POLR2B: variants seen among roughly 807,000 people sequenced by gnomAD.
POLR2B encodes RNA polymerase II subunit B.
A neutral mutation model predicts 144.6 loss-of-function variants in POLR2B; 57 were observed. The ratio of observed to expected loss-of-function variants is 0.39; its 90% CI spans 0.32 to 0.49. The LOEUF (loss-of-function observed/expected upper bound fraction) is 0.49, where lower values mean the gene tolerates loss of function less well. Ranked by LOEUF, POLR2B falls within the 20% of genes least tolerant of loss-of-function variation. POLR2B has a pLI of 0.83. For synonymous variants in POLR2B, 442 were observed against 469.8 expected (o/e 0.94, Z 0.77); for missense variants, 595 against 1,467.4 (o/e 0.41, Z 9.71).
At chr4:56,989,063 G>C (rs543076994) in intron 2 of POLR2B, among the ~76,000 whole-genome samples, 4 of 152,212 alleles carry the variant, frequency 2.6e-5, no homozygotes, top group South Asian at 4.1e-4. Context: ...AAGTGATCTT[G>C]TGAATGTGAT....
intron 1 of POLR2B, among the ~76,000 whole-genome samples, chr4:56,983,289 A>G (rs1384606625): frequency 6.7e-6 from 1 of 150,178 alleles, no homozygotes; most frequent in Non-Finnish European, 1.5e-5. Flanking sequence ...TCTATTTGGT[A>G]GGATTCTTTC....
chr4:56,986,179 T>C, intron 1 of POLR2B, 175 bp from the exon 2 acceptor site: 1 of 659,624 alleles, frequency 1.5e-6, no homozygotes, highest in Non-Finnish European at 2.7e-6. Context: ...AGAATACCTG[T>C]GTGACATAGA....
At chr4:57,027,662 A>AG (rs1425752092) in intron 23 of POLR2B, among the ~76,000 whole-genome samples, 1 of 152,208 alleles carries the variant, frequency 6.6e-6, no homozygotes, top group Non-Finnish European at 1.5e-5. Context: ...AGTTTCTCAA[A>AG]GGTTGGTTTT....
intron 11 of POLR2B, 96 bp downstream of exon 11, chr4:57,010,600 G>C: frequency 7.2e-7 from 1 of 1,385,280 alleles, no homozygotes; most frequent in South Asian, 1.4e-5. Context: ...AAATTATGCA[G>C]AGTGGTTTAG....
At chr4:56,980,721 CCTT>C (rs1722131807) in intron 1 of POLR2B, among the ~76,000 whole-genome samples, 1 of 152,188 alleles carries the variant, frequency 6.6e-6, no homozygotes, top group East Asian at 1.9e-4. Context: ...TGTCACGTCT[CCTT>C]CTTACCCACC....
chr4:56,992,321 C>T (rs1221604798), intron 3 of POLR2B, among the ~76,000 whole-genome samples: 3 of 150,946 alleles, frequency 2.0e-5, no homozygotes, highest in Middle Eastern at 3.4e-3. Flanking sequence ...AAAAATTAGC[C>T]GGGTGTGGTG....
At chr4:57,024,225 A>T in intron 21 of POLR2B, 113 bp downstream of exon 21, 1 of 564,092 alleles carries the variant, frequency 1.8e-6, no homozygotes, top group Non-Finnish European at 3.0e-6. Flanking sequence ...CTAGTGTGAG[A>T]CTTACTTTTC....
intron 1 of POLR2B, among the ~76,000 whole-genome samples, chr4:56,983,896 G>A (rs1246413234): frequency 7.4e-5 from 11 of 147,666 alleles, no homozygotes; most frequent in East Asian, 2.0e-4. Context: ...AGACAGGGTC[G>A]CACTCTCACC....
chr4:56,994,646 G>C lies in POLR2B; in HGVS notation c.357-1G>C. The C allele has an allele frequency of 6.3e-7, 1 of 1,593,142 alleles. No individual in the cohort carries two copies. The highest frequency in any genetic ancestry group is 8.6e-7 in the Non-Finnish European group (1 of 1,161,340). Reference sequence around the variant, plus strand: ...ACTGTGATCTACTTTTATTTTCAAAGGTATTCTGCTCCGCTTTATGTTGAT... The same window carrying C: ...ACTGTGATCTACTTTTATTTTCAAACGTATTCTGCTCCGCTTTATGTTGAT... On this transcript the variant is annotated splice_acceptor_variant, in intron 4 of 24. Coordinates refer to ENST00000314595, the MANE Select transcript of POLR2B (RefSeq NM_000938.3). LOFTEE classifies it high-confidence loss of function.
intron 2 of POLR2B, among the ~76,000 whole-genome samples, chr4:56,986,993 G>A (rs187200617): frequency 6.6e-6 from 1 of 152,088 alleles, no homozygotes; most frequent in East Asian, 1.9e-4. Flanking sequence ...ATGTTCTTTT[G>A]TTTCCTTTAA....
chr4:57,021,833 A>G (rs541077413), intron 17 of POLR2B, among the ~76,000 whole-genome samples: 4 of 152,166 alleles, frequency 2.6e-5, no homozygotes, highest in Non-Finnish European at 5.9e-5. Flanking sequence ...GTGTTTGAGT[A>G]GAACCTAGGT....
intron 5 of POLR2B, 30 bp downstream of exon 5, chr4:56,994,896 A>G (rs201102254): frequency 4.6e-5 from 58 of 1,265,296 alleles, no homozygotes; most frequent in Non-Finnish European, 6.2e-5. Context: ...AAAAATTACA[A>G]AATGGTAGTT....
intron 5 of POLR2B, 122 bp from the exon 6 acceptor site, chr4:56,995,129 G>A (rs1033952663): frequency 2.2e-5 from 17 of 762,454 alleles, no homozygotes; most frequent in African/African-American, 5.3e-5. Flanking sequence ...TTGTAAAGTT[G>A]AAGAATTAAA....
At chr4:56,985,051 T>C (rs1722275208) in intron 1 of POLR2B, among the ~76,000 whole-genome samples, 1 of 152,054 alleles carries the variant, frequency 6.6e-6, no homozygotes, top group African/African-American at 2.4e-5. Context: ...AGGCCAAGTG[T>C]TGACAGCTGG....
At chr4:57,024,157 T>C in intron 21 of POLR2B, 45 bp downstream of exon 21, 1 of 1,027,136 alleles carries the variant, frequency 9.7e-7, no homozygotes, top group South Asian at 1.4e-5. Flanking sequence ...CTGATGCTTC[T>C]TCTAAAACTC....
At chr4:57,019,531 T>G (rs905425407) in intron 16 of POLR2B, among the ~76,000 whole-genome samples, 1 of 152,150 alleles carries the variant, frequency 6.6e-6, no homozygotes, top group Non-Finnish European at 1.5e-5. Flanking sequence ...AAAAAACTTT[T>G]AACATTTTAC....
intron 21 of POLR2B, among the ~76,000 whole-genome samples, 181 bp downstream of exon 21, chr4:57,024,293 C>T (rs1347360660): frequency 6.6e-6 from 1 of 150,534 alleles, no homozygotes; most frequent in East Asian, 2.0e-4. Flanking sequence ...AAGTTATGGA[C>T]AAGTCAGAAT....
intron 23 of POLR2B, among the ~76,000 whole-genome samples, chr4:57,029,028 T>C (rs1368029882): frequency 6.6e-6 from 1 of 152,208 alleles, no homozygotes; most frequent in Non-Finnish European, 1.5e-5. Flanking sequence ...GGCTTGAGAC[T>C]GAATTTTGCT....
At chr4:56,987,873 C>T (rs1722379779) in intron 2 of POLR2B, among the ~76,000 whole-genome samples, 1 of 150,978 alleles carries the variant, frequency 6.6e-6, no homozygotes, top group Non-Finnish European at 1.5e-5. Flanking sequence ...CAGAGTGAGA[C>T]TCTGTCTCAA....
Sources: gnomAD v4.1 joint callset for allele counts (sites outside exome capture counted in the v4.1 genomes callset) on GRCh38, gnomAD v4.1.1 for gene constraint, MANE v1.5 for transcripts, NCBI Gene and HGNC (gene_info 2026-07-23, HGNC 2026-07-21) for gene names.